TRUB2: variants seen among roughly 807,000 people sequenced by gnomAD.
TRUB2 encodes pseudouridylate synthase TRUB2, mitochondrial.
A neutral mutation model predicts 31.9 loss-of-function variants in TRUB2; 31 were observed. The observed-to-expected ratio is 0.97, with a 90% CI of 0.73 to 1.31. The LOEUF (loss-of-function observed/expected upper bound fraction) is 1.31, where lower values mean the gene tolerates loss of function less well. Ranked by LOEUF, TRUB2 falls within the 50% of genes most tolerant of loss-of-function variation. TRUB2 has a pLI of 0.00. For missense variants in TRUB2, 451 were observed against 439.6 expected, an observed-to-expected ratio of 1.03 and a Z score of -0.23; for synonymous variants, 201 against 182.6, an observed-to-expected ratio of 1.10 and a Z score of -0.81.
chr9:128,316,220 C>G (rs1832065784), intron 3 of TRUB2: 1 of 145,192 alleles, frequency 6.9e-6, no homozygotes, highest in Non-Finnish European at 1.5e-5. Flanking sequence ...GAGACTCCGT[C>G]TCACAAAAAA....
At chr9:128,316,730 T>C (rs1269794786) in intron 3 of TRUB2, 1 of 164,978 alleles carries the variant, frequency 6.1e-6, no homozygotes, top group African/African-American at 2.4e-5. Context: ...GCCCTGGCCA[T>C]TAGGTCCAGA....
intron 2 of TRUB2, among the ~76,000 whole-genome samples, chr9:128,318,578 G>C (rs1478980669): frequency 6.6e-6 from 1 of 151,746 alleles, no homozygotes; most frequent in Non-Finnish European, 1.5e-5. Flanking sequence ...TGTCACCCAG[G>C]CTGGAGTGCA....
At chr9:128,317,373 T>G in intron 2 of TRUB2, 147 bp from the exon 3 acceptor site, 1 of 735,316 alleles carries the variant, frequency 1.4e-6, no homozygotes, top group Admixed American at 2.3e-5. Context: ...CGTCATGGAA[T>G]CTGGGACCCT....
chr9:128,321,761 T>C, intron 1 of TRUB2, 31 bp from the exon 2 acceptor site: 12 of 1,595,608 alleles, frequency 7.5e-6, no homozygotes, highest in Non-Finnish European at 1.0e-5. Flanking sequence ...TATACACACA[T>C]ACATACAAAT....
In TRUB2 at chr9:128,309,573, G is replaced by A. The variant is rs1474354195; in HGVS notation, c.973C>T (p.Leu325=). The A allele has an allele frequency of 6.2e-7, 1 of 1,612,274 alleles. No homozygotes were observed. The highest frequency in any genetic ancestry group is 8.5e-7 in the Non-Finnish European group (1 of 1,178,746). The change falls in exon 8 of 8, where the codon CTG becomes TTG. Residue 325 remains leucine, a synonymous_variant. Transcript: ENST00000372890. The part of the protein sequence containing the change: ...DSQGPSSTLG[L]ERGAGQ ...ATTCACTGCCCCGCACCCCTCTCCAGCCCCAAGGTAGAGCTCGGGCCCTGG... is the reference window on the plus strand; with the variant it reads ...ATTCACTGCCCCGCACCCCTCTCCAACCCCAAGGTAGAGCTCGGGCCCTGG...
At chr9:128,310,848 G>A (rs1831954979) in intron 7 of TRUB2, 39 bp downstream of exon 7, 1 of 1,612,346 alleles carries the variant, frequency 6.2e-7, no homozygotes, top group African/African-American at 1.3e-5. Context: ...CAAACCTACG[G>A]GTCCCATCTC....
At chr9:128,322,214 A>T in intron 1 of TRUB2, 86 bp downstream of exon 1, 1 of 1,157,288 alleles carries the variant, frequency 8.6e-7, no homozygotes, top group South Asian at 1.3e-5. Context: ...AGGTCACGTG[A>T]TTTTGTTTTG....
intron 2 of TRUB2, among the ~76,000 whole-genome samples, chr9:128,318,118 C>A (rs141577319): frequency 6.6e-6 from 1 of 151,864 alleles, no homozygotes; most frequent in Non-Finnish European, 1.5e-5. Context: ...CCAAGGTGGG[C>A]GGATCACCTG....
At chr9:128,313,975 C>G (rs552323161) in intron 4 of TRUB2, 86 bp from the exon 5 acceptor site, 1 of 1,245,254 alleles carries the variant, frequency 8.0e-7, no homozygotes, top group Non-Finnish European at 1.2e-6. Flanking sequence ...GGTGGGGGGT[C>G]CTCAGGTCTC....
chr9:128,321,767 C>T lies in TRUB2; in HGVS notation c.110-37G>A, dbSNP rs376080827. On this transcript the variant is annotated intron_variant, in intron 1 of 7. Coordinates refer to ENST00000372890, the MANE Select transcript of TRUB2 (RefSeq NM_015679.3). ...GAGATAATATATACACACATACATA[C>T]AAATATATGTACATATAAAATATTT... 1.5e-5 allele frequency: 24 copies of T among 1,572,378 alleles called. No homozygotes were observed. In the East Asian group the frequency reaches 2.5e-4, roughly 17 times the overall value.
At chr9:128,319,553 G>A (rs1352199255) in intron 2 of TRUB2, among the ~76,000 whole-genome samples, 1 of 151,924 alleles carries the variant, frequency 6.6e-6, no homozygotes, top group Non-Finnish European at 1.5e-5. Flanking sequence ...AGGATCCCTT[G>A]CAGATACCAA....
chr9:128,321,704 G>C lies in TRUB2; in HGVS notation c.136C>G (p.Pro46Ala). ...KGLNARKPPAPKQRVRFLLGP... is the reference protein window; with the variant it reads ...KGLNARKPPAAKQRVRFLLGP... ...AGCAAGAAGCGAACACGCTGTTTAG[G>C]AGCGGGAGGCTTCCTGGCATTGAGA... is the stretch of plus-strand genomic sequence containing the variant. The change falls in exon 2 of 8, where the codon CCT becomes GCT. Residue 46 changes from proline (P) to alanine (A), a missense_variant. Physicochemically the swap from Pro to Ala is conservative, Grantham distance 27. Transcript: ENST00000372890. 1 of 1,613,732 alleles carries C rather than the reference G, an allele frequency of 6.2e-7. No individual in the cohort carries two copies. Among genetic ancestry groups the C allele is most frequent in the South Asian group, 1.1e-5 (1 of 91,062 alleles).
chr9:128,322,323 G>A lies in TRUB2; in HGVS notation c.86C>T (p.Thr29Ile), dbSNP rs772518225. 6 of 1,614,008 alleles carry A rather than the reference G, an allele frequency of 3.7e-6. No individual in the cohort carries two copies. In the East Asian group the frequency reaches 1.3e-4, roughly 36 times the overall value. ...PGLKWKHLRD[T>I]VELQLLKGLN... ...ACCCTTCAGAAGTTGTAGCTCCACT[G>A]TATCCCGCAGGTGCTTCCATTTTAG... Residue 29 changes from threonine to isoleucine, a missense_variant, in exon 1 of 8, where the codon ACA becomes ATA. By Grantham distance (89) the Thr-to-Ile change is moderately conservative. Transcript: ENST00000372890.
Position 128,309,569 on chromosome 9 carries a change from T to C in TRUB2, c.977A>G (p.Glu326Gly), listed in dbSNP as rs1831926778. ...SQGPSSTLGLERGAGQ is the reference protein window; with the variant it reads ...SQGPSSTLGLGRGAGQ ...GGGCATTCACTGCCCCGCACCCCTC[T>C]CCAGCCCCAAGGTAGAGCTCGGGCC... The change falls in exon 8 of 8, where the codon GAG becomes GGG. Residue 326 changes from glutamate to glycine, a missense_variant. Glu to Gly is a moderately conservative substitution (Grantham distance 98, BLOSUM62 -2). Coordinates refer to ENST00000372890, the MANE Select transcript of TRUB2 (RefSeq NM_015679.3). The C allele has an allele frequency of 6.2e-7, 1 of 1,611,618 alleles. No homozygotes were observed. Among genetic ancestry groups the C allele is most frequent in the South Asian group, 1.1e-5 (1 of 91,060 alleles).
rs2072394 is a variant in TRUB2 at position 128,317,191 on chromosome 9, C to T, written c.277G>A (p.Val93Met). 3.8e-5 allele frequency: 61 copies of T among 1,594,734 alleles called. No individual in the cohort carries two copies. The highest frequency in any genetic ancestry group is 5.0e-5 in the Non-Finnish European group (58 of 1,169,026). ...GPAFAHLKVG[V>M]GHRLDAQASG... Reference sequence around the variant, plus strand: ...GCCTGGGCATCCAACCGATGTCCCACGCCAACCTTGAGATGGGCGAATGCT... The same window carrying T: ...GCCTGGGCATCCAACCGATGTCCCATGCCAACCTTGAGATGGGCGAATGCT... Residue 93 changes from valine to methionine, a missense_variant, in exon 3 of 8, where the codon GTG becomes ATG. Physicochemically the swap from Val to Met is conservative, Grantham distance 21. Coordinates refer to ENST00000372890, the MANE Select transcript of TRUB2 (RefSeq NM_015679.3).
Position 128,317,210 on chromosome 9 carries a change from G to A in TRUB2, c.258C>T (p.Phe86=), listed in dbSNP as rs188441421. The A allele has an allele frequency of 1.3e-4, 201 of 1,594,710 alleles. 1 individual carries two copies. The East Asian group carries it at 2.1e-3, about 16-fold the overall frequency. The change falls in exon 3 of 8, where the codon TTC becomes TTT. Residue 86 remains phenylalanine (F), a synonymous_variant. Transcript: ENST00000372890. ...GTCCCACGCCAACCTTGAGATGGGC[G>A]AATGCTGGTCCACATACTGGAAAGA... ...INHPLVCGPA[F]AHLKVGVGHR...
At position 128,322,393 on chromosome 9, in the gene TRUB2, A is replaced by T. The variant is rs1186671327; in HGVS notation, c.16T>A (p.Leu6Met). MGSAG[L>M]SRLHGLFAVY... is the part of the protein sequence containing the mutation. ...GCGAAAAGCCCATGCAGCCGCGACA[A>T]GCCAGCAGACCCCATACTTGAAGAT... The change falls in exon 1 of 8, where the codon TTG becomes ATG. Residue 6 changes from leucine (L) to methionine (M), a missense_variant. Coordinates refer to ENST00000372890, the MANE Select transcript of TRUB2 (RefSeq NM_015679.3). The T allele has an allele frequency of 1.2e-6, 2 of 1,614,026 alleles. No individual in the cohort carries two copies. Among genetic ancestry groups the T allele is most frequent in the Admixed American group, 3.3e-5 (2 of 60,002 alleles).
At position 128,311,522 on chromosome 9, in the gene TRUB2, T is replaced by C. The variant is rs1268787453; in HGVS notation, c.533+7A>G. On this transcript the variant is annotated splice_region_variant and intron_variant, in intron 6 of 7. Transcript: ENST00000372890. Reference sequence around the variant, plus strand: ...TCTCCCAGTACCTCCCTGAGGGCCCTACTCACATCACCAGGGCCTTCTGAT... The same window carrying C: ...TCTCCCAGTACCTCCCTGAGGGCCCCACTCACATCACCAGGGCCTTCTGAT... The C allele has an allele frequency of 6.2e-7, 1 of 1,613,932 alleles. No individual in the cohort carries two copies. Among genetic ancestry groups the C allele is most frequent in the African/African-American group, 1.3e-5 (1 of 74,918 alleles).
At position 128,309,227 on chromosome 9, in the gene TRUB2, G is replaced by A. The variant is rs778906795; in HGVS notation, c.*323C>T. 161 of 319,504 alleles carry A rather than the reference G, an allele frequency of 5.0e-4. No individual in the cohort carries two copies. The highest frequency in any genetic ancestry group is 1.5e-3 in the East Asian group (25 of 16,992). The allele number at this position is 319,504 out of a possible 1,614,324, so 19.8% of individuals were successfully genotyped here. ...AGTGCAGTGGCTATTCACAGGCGCC[G>A]TCTAGCGCACTACAACCTTAAACTC... On this transcript the variant is annotated 3_prime_UTR_variant, in exon 8 of 8. Coordinates refer to ENST00000372890, the MANE Select transcript of TRUB2 (RefSeq NM_015679.3).
Sources: gnomAD v4.1 joint callset for allele counts (sites outside exome capture counted in the v4.1 genomes callset) on GRCh38, gnomAD v4.1.1 for gene constraint, MANE v1.5 for transcripts, NCBI Gene and HGNC (gene_info 2026-07-23, HGNC 2026-07-21) for gene names.